Variants in CTNNBL1 observed in about 807,000 individuals in gnomAD.
CTNNBL1 encodes beta-catenin-like protein 1.
In CTNNBL1, 31 loss-of-function variants were observed where a neutral mutation model predicts 72.7. The ratio of observed to expected loss-of-function variants is 0.43; its 90% CI spans 0.32 to 0.58. CTNNBL1 has a LOEUF of 0.58. Ranked by LOEUF, CTNNBL1 falls within the 20% of genes least tolerant of loss-of-function variation. The probability of loss-of-function intolerance (pLI) is 0.08; values close to 1 mark genes in which losing one functional copy is unlikely to be tolerated. For missense variants in CTNNBL1, 534 were observed against 725.1 expected (o/e 0.74, Z 3.03); for synonymous variants, 240 against 267.3 (o/e 0.90, Z 1.00).
intron 2 of CTNNBL1, among the ~76,000 whole-genome samples, chr20:37,733,340 A>G (rs952199178): frequency 6.6e-6 from 1 of 152,168 alleles, no homozygotes; most frequent in African/African-American, 2.4e-5. Context: ...TACTGAGGAC[A>G]CATAGAAGGC....
At chr20:37,736,602 A>G (rs981236685) in intron 2 of CTNNBL1, among the ~76,000 whole-genome samples, 1 of 151,862 alleles carries the variant, frequency 6.6e-6, no homozygotes, top group Admixed American at 6.6e-5. Flanking sequence ...GTGCAGCGGC[A>G]CAGTCTCGGC....
At chr20:37,785,482 A>G (rs1055815582) in intron 10 of CTNNBL1, among the ~76,000 whole-genome samples, 1 of 151,828 alleles carries the variant, frequency 6.6e-6, no homozygotes, top group East Asian at 1.9e-4. Flanking sequence ...CTTTGACTGT[A>G]TTTTCAAATA....
At chr20:37,815,466 C>A (rs970162213) in intron 11 of CTNNBL1, among the ~76,000 whole-genome samples, 2 of 151,920 alleles carry the variant, frequency 1.3e-5, no homozygotes, top group Non-Finnish European at 2.9e-5. Flanking sequence ...TACAGGCATG[C>A]GCCACCATGC....
chr20:37,860,705 A>G (rs2072484212), intron 15 of CTNNBL1, among the ~76,000 whole-genome samples: 1 of 152,264 alleles, frequency 6.6e-6, no homozygotes, highest in Non-Finnish European at 1.5e-5. Flanking sequence ...CAAGAAATAC[A>G]AACGTCCTTT....
intron 1 of CTNNBL1, among the ~76,000 whole-genome samples, chr20:37,721,727 C>T (rs929648296): frequency 6.6e-6 from 1 of 152,204 alleles, no homozygotes; most frequent in African/African-American, 2.4e-5. Context: ...GATTATTATT[C>T]TCATGTACTT....
chr20:37,849,170 A>G (rs923454442), intron 13 of CTNNBL1, among the ~76,000 whole-genome samples: 1 of 152,112 alleles, frequency 6.6e-6, no homozygotes, highest in Non-Finnish European at 1.5e-5. Context: ...GTTTTCTTCC[A>G]TTAGTGCAGC....
intron 11 of CTNNBL1, among the ~76,000 whole-genome samples, chr20:37,828,801 A>G (rs1215661955): frequency 8.5e-5 from 13 of 152,322 alleles, no homozygotes; most frequent in South Asian, 2.1e-4. Flanking sequence ...AAGGGTATCA[A>G]TATTCAGCCG....
In CTNNBL1 at chr20:37,860,363, A is replaced by G; in HGVS notation, c.1603+19A>G. 1 of 1,579,146 alleles carries G rather than the reference A, an allele frequency of 6.3e-7. No homozygotes were observed. The highest frequency in any genetic ancestry group is 8.7e-7 in the Non-Finnish European group (1 of 1,148,160). On this transcript the variant is annotated intron_variant, in intron 15 of 15. Coordinates refer to ENST00000361383, the MANE Select transcript of CTNNBL1 (RefSeq NM_030877.5). The stretch of plus-strand genomic sequence containing the variant: ...ATCAAGGGTGAGTTGGATGCTACTC[A>G]TGTCTGGGGCTCCAGAGGATTAGAT...
intron 13 of CTNNBL1, among the ~76,000 whole-genome samples, chr20:37,843,404 G>A (rs948257339): frequency 9.2e-5 from 14 of 152,206 alleles, no homozygotes; most frequent in Non-Finnish European, 1.0e-4. Context: ...AGGCTACCGT[G>A]TTGCACTGGG....
intron 1 of CTNNBL1, among the ~76,000 whole-genome samples, chr20:37,699,471 C>T (rs1405871865): frequency 2.8e-4 from 42 of 152,230 alleles, no homozygotes; most frequent in Non-Finnish European, 6.2e-4. Context: ...AGCCAGACAA[C>T]CAGTAAGGAG....
intron 1 of CTNNBL1, among the ~76,000 whole-genome samples, chr20:37,703,041 C>T (rs2072857193): frequency 6.6e-6 from 1 of 152,174 alleles, no homozygotes; most frequent in Non-Finnish European, 1.5e-5. Flanking sequence ...TTTTCCTCTT[C>T]TTTATTATCA....
At chr20:37,821,034 C>A (rs1025868236) in intron 11 of CTNNBL1, among the ~76,000 whole-genome samples, 1 of 152,210 alleles carries the variant, frequency 6.6e-6, no homozygotes, top group Middle Eastern at 3.2e-3. Context: ...CCTGTTTCCA[C>A]CTAGCCTAAA....
rs763905838 is a variant in CTNNBL1, at chr20:37,840,215, A to C, written c.1311+16A>C. ...CAGTGAGAAGGTGGGTGACTGTTGG[A>C]CTGTAAAGCTGGGACCGGGACTGAT... On this transcript the variant is annotated intron_variant, in intron 12 of 15. Transcript: ENST00000361383. The C allele has an allele frequency of 5.1e-6, 8 of 1,576,642 alleles. No individual in the cohort carries two copies. The African/African-American group carries it at 1.1e-4, about 21-fold the overall frequency.
intron 1 of CTNNBL1, among the ~76,000 whole-genome samples, chr20:37,698,914 T>G (rs1313645333): frequency 1.3e-5 from 2 of 152,040 alleles, no homozygotes; most frequent in Non-Finnish European, 2.9e-5. Flanking sequence ...GGCATGGTGG[T>G]GTGTGTCTGT....
At chr20:37,748,948 C>A (rs1600461927) in intron 4 of CTNNBL1, among the ~76,000 whole-genome samples, 1 of 152,230 alleles carries the variant, frequency 6.6e-6, no homozygotes, top group African/African-American at 2.4e-5. Context: ...TGTTCACAGA[C>A]TCAGTGACTA....
At chr20:37,819,734 T>TA (rs1308068171) in intron 11 of CTNNBL1, among the ~76,000 whole-genome samples, 2 of 152,188 alleles carry the variant, frequency 1.3e-5, no homozygotes, top group Non-Finnish European at 2.9e-5. Context: ...CAGACACTTC[T>TA]AGCCACAGTG....
At chr20:37,747,058 G>C (rs554312542) in intron 4 of CTNNBL1, among the ~76,000 whole-genome samples, 12 of 152,176 alleles carry the variant, frequency 7.9e-5, no homozygotes, top group African/African-American at 2.7e-4. Context: ...GGACAGGGAA[G>C]CTGTTCTGTT....
intron 15 of CTNNBL1, among the ~76,000 whole-genome samples, chr20:37,867,734 A>G (rs1289184141): frequency 1.3e-5 from 2 of 152,122 alleles, no homozygotes; most frequent in African/African-American, 4.8e-5. Flanking sequence ...CACATGCAGC[A>G]GAGAGAACTC....
chr20:37,771,397 A>G (rs963411023), intron 7 of CTNNBL1, among the ~76,000 whole-genome samples: 3 of 152,132 alleles, frequency 2.0e-5, no homozygotes, highest in African/African-American at 4.8e-5. Flanking sequence ...TTTACTCTGG[A>G]GACTAATTTA....
Sources: allele counts gnomAD v4.1 joint callset (sites outside exome capture counted in the v4.1 genomes callset), GRCh38; gene constraint gnomAD v4.1.1; transcripts MANE v1.5; gene names NCBI Gene and HGNC (gene_info 2026-07-23, HGNC 2026-07-21).